The following INPP5F variants were observed in gnomAD, a reference collection of about 807,000 sequenced individuals.
INPP5F encodes the protein inositol polyphosphate-5-phosphatase F, also known as phosphatidylinositide 4-phosphatase SAC2.
In INPP5F, 97 loss-of-function variants were observed where a neutral mutation model predicts 137.2. The observed-to-expected ratio is 0.71, with a 90% confidence interval of 0.60 to 0.84. The LOEUF is 0.84. Ranked by LOEUF, INPP5F falls within the 40% of genes least tolerant of loss-of-function variation. INPP5F has a pLI of 0.00. For missense variants in INPP5F, 1,271 were observed against 1,371.9 expected, an observed-to-expected ratio of 0.93 and a Z score of 1.16; for synonymous variants, 504 against 476.9, an observed-to-expected ratio of 1.06 and a Z score of -0.74.
intron 1 of INPP5F, among the ~76,000 whole-genome samples, chr10:119,737,824 T>G (rs911963549): frequency 6.6e-6 from 1 of 152,252 alleles, no homozygotes; most frequent in African/African-American, 2.4e-5. Flanking sequence ...TGATTGTCTT[T>G]TTAGAGCCGT....
At position 119,739,685 on chromosome 10, in the gene INPP5F, A is replaced by C. The variant is rs1026939459; in HGVS notation, c.98-11391A>C. 2.6e-5 allele frequency among the ~76,000 whole-genome samples: 4 copies of C among 152,078 alleles called. No homozygotes were observed. The East Asian group carries it at 7.7e-4, about 29-fold the overall frequency. On this transcript the variant is annotated intron_variant, in intron 1 of 19. Transcript: ENST00000650623. ...TCATTTGCCACCCAGGCTGGAGTGCAGTGGCGTGATCATGGGTCACTGCAT... is the reference window on the plus strand; with the variant it reads ...TCATTTGCCACCCAGGCTGGAGTGCCGTGGCGTGATCATGGGTCACTGCAT...
chr10:119,761,285 C>T (rs906853673), intron 2 of INPP5F, among the ~76,000 whole-genome samples: 2 of 152,036 alleles, frequency 1.3e-5, no homozygotes, highest in Admixed American at 1.3e-4. Flanking sequence ...TTCTATAAAC[C>T]GAGACTTAGG....
chr10:119,795,058 G>A (rs1850304961), intron 6 of INPP5F, among the ~76,000 whole-genome samples: 1 of 138,526 alleles, frequency 7.2e-6, no homozygotes, highest in East Asian at 2.2e-4. Flanking sequence ...CGGATGGGGC[G>A]GCTGGCCGGG....
intron 15 of INPP5F, among the ~76,000 whole-genome samples, chr10:119,818,415 A>G (rs1254082837): frequency 2.0e-5 from 3 of 152,208 alleles, no homozygotes; most frequent in Admixed American, 6.5e-5. Context: ...ACTGTCTCTT[A>G]GGCATGCGAT....
intron 2 of INPP5F, among the ~76,000 whole-genome samples, chr10:119,772,402 T>G (rs1036457759): frequency 6.6e-6 from 1 of 152,200 alleles, no homozygotes; most frequent in Non-Finnish European, 1.5e-5. Flanking sequence ...ACCTTTTTCT[T>G]GTTGATTGAT....
intron 6 of INPP5F, chr10:119,793,630 G>A (rs1850224620): frequency 6.6e-6 from 1 of 152,194 alleles, no homozygotes; most frequent in South Asian, 2.1e-4. Context: ...GAAAGAGACA[G>A]AAGAAGAAAT....
At position 119,755,202 on chromosome 10, in the gene INPP5F, G is replaced by C. The variant is rs75089287; in HGVS notation, c.178+4046G>C. Among the ~76,000 whole-genome samples, 96 of 152,356 alleles carry C rather than the reference G, an allele frequency of 6.3e-4. 1 individual carries two copies. The East Asian group carries it at 0.016, about 25-fold the overall frequency. ...TGTATTAGTTTGCTGTCATAGCAAA[G>C]TGCCACCAGCTGGGTGGCTTAAACA... On this transcript the variant is annotated intron_variant, in intron 2 of 19. Coordinates refer to ENST00000650623, the MANE Select transcript of INPP5F (RefSeq NM_014937.4).
At chr10:119,798,379 T>C (rs998830338) in intron 8 of INPP5F, among the ~76,000 whole-genome samples, 164 bp from the exon 9 acceptor site, 1 of 152,100 alleles carries the variant, frequency 6.6e-6, no homozygotes, top group Non-Finnish European at 1.5e-5. Flanking sequence ...GGAAAAAAAA[T>C]CAGATCTTTG....
rs3067616 is a variant in INPP5F, at chr10:119,821,337, C to CGTGTGTGTGTGT, written c.1958+432_1958+443dup. On this transcript the variant is annotated intron_variant, in intron 16 of 19. Transcript: ENST00000650623. ...TGATGCAGTTGTCTTTATGCAATAA[C>CGTGTGTGTGTGT]GTGTGTGTGTGTGTGTGTGTGTGCA... is the stretch of plus-strand genomic sequence containing the variant. 4.0e-5 allele frequency among the ~76,000 whole-genome samples: 6 copies of CGTGTGTGTGTGT among 150,048 alleles called. No homozygotes were observed. The South Asian group carries it at 8.4e-4, about 21-fold the overall frequency.
chr10:119,795,963 A>C (rs1487466360), intron 6 of INPP5F, among the ~76,000 whole-genome samples: 1 of 151,828 alleles, frequency 6.6e-6, no homozygotes, highest in African/African-American at 2.4e-5. Context: ...CTGCAATCGC[A>C]GGCACTCGGC....
At chr10:119,761,014 A>G (rs1025965162) in intron 2 of INPP5F, among the ~76,000 whole-genome samples, 2 of 152,212 alleles carry the variant, frequency 1.3e-5, no homozygotes, top group Non-Finnish European at 2.9e-5. Context: ...GCCCAACAGT[A>G]CTTAATAATT....
intron 2 of INPP5F, among the ~76,000 whole-genome samples, chr10:119,769,277 G>A (rs1174467125): frequency 4.6e-5 from 7 of 151,972 alleles, no homozygotes; most frequent in South Asian, 2.1e-4. Flanking sequence ...GTAGGGAGTC[G>A]GTTAATTTTA....
chr10:119,729,613 G>A (rs909307730), intron 1 of INPP5F, among the ~76,000 whole-genome samples: 12 of 148,052 alleles, frequency 8.1e-5, no homozygotes, highest in African/African-American at 2.8e-4. Flanking sequence ...GTCTTGCTCT[G>A]TCACCCAGGC....
intron 1 of INPP5F, among the ~76,000 whole-genome samples, chr10:119,738,934 C>T (rs1848296710): frequency 6.6e-6 from 1 of 151,680 alleles, no homozygotes; most frequent in African/African-American, 2.4e-5. Flanking sequence ...GTAATCCCAG[C>T]ATTTTGGGAG....
intron 15 of INPP5F, chr10:119,819,351 C>T (rs1851452455): frequency 8.1e-7 from 1 of 1,234,400 alleles, no homozygotes; most frequent in Non-Finnish European, 1.0e-6. Context: ...CTGTTACGTG[C>T]CAAGTGCTTT....
chr10:119,782,602 G>GC (rs1163586096), intron 3 of INPP5F, among the ~76,000 whole-genome samples: 1 of 152,150 alleles, frequency 6.6e-6, no homozygotes, highest in Non-Finnish European at 1.5e-5. Flanking sequence ...GATTGCTTGA[G>GC]CTGAGGGGTT....
intron 9 of INPP5F, among the ~76,000 whole-genome samples, chr10:119,803,859 C>A (rs1013560633): frequency 6.6e-6 from 1 of 152,120 alleles, no homozygotes; most frequent in Non-Finnish European, 1.5e-5. Flanking sequence ...ATCTAGATAT[C>A]TAAAATATTT....
intron 15 of INPP5F, among the ~76,000 whole-genome samples, chr10:119,817,307 T>A (rs1485302098): frequency 6.6e-6 from 1 of 152,248 alleles, no homozygotes; most frequent in Non-Finnish European, 1.5e-5. Context: ...TGTACAGGTT[T>A]TCATTTGAAC....
Position 119,796,800 on chromosome 10 carries a change from C to T in INPP5F, c.755C>T (p.Ser252Phe), listed in dbSNP as rs778999179. ...EELVVNYTES[S>F]DDEKSSPETP... The stretch of plus-strand genomic sequence containing the variant: ...CTTGTGGTTAATTATACCGAATCAT[C>T]TGATGATGAGAAAAGCAGCCCAGAG... The change falls in exon 7 of 20, where the codon TCT (serine) becomes TTT (phenylalanine). Residue 252 changes from serine to phenylalanine, a missense_variant. Ser to Phe is a radical substitution (Grantham distance 155, BLOSUM62 -2). Transcript: ENST00000650623. 3.1e-6 allele frequency: 5 copies of T among 1,613,306 alleles called. No homozygotes were observed. Among genetic ancestry groups the T allele is most frequent in the Middle Eastern group, 1.7e-4 (1 of 6,060 alleles).
Sources: gnomAD v4.1 joint callset for allele counts (sites outside exome capture counted in the v4.1 genomes callset) on GRCh38, gnomAD v4.1.1 for gene constraint, MANE v1.5 for transcripts, NCBI Gene and HGNC (gene_info 2026-07-23, HGNC 2026-07-21) for gene names.